EYS: variants seen among roughly 807,000 people sequenced by gnomAD.
The protein encoded by EYS is EGF-like photoreceptor maintenance factor, also known as protein eyes shut homolog.
EYS carries 250 observed loss-of-function variants against 282.1 expected under a neutral mutation model. The ratio of observed to expected loss-of-function variants is 0.89; its 90% confidence interval spans 0.80 to 0.98. EYS has a LOEUF of 0.98. Ranked by LOEUF, EYS falls within the 50% of genes least tolerant of loss-of-function variation. The pLI, the probability that EYS is intolerant of heterozygous loss-of-function variation, is 0.00. For synonymous variants in EYS, 1,355 were observed against 1,282.9 expected (o/e 1.06, Z -1.20); for missense variants, 4,016 against 3,709.0 (o/e 1.08, Z -2.15).
chr6:64,647,874 T>G (rs990619617), intron 22 of EYS, among the ~76,000 whole-genome samples: 36 of 152,172 alleles, frequency 2.4e-4, no homozygotes, highest in African/African-American at 8.7e-4. Context: ...TAAGGGTTTA[T>G]AGAATGCATG....
chr6:64,784,668 T>C (rs2149996140), intron 22 of EYS, among the ~76,000 whole-genome samples: 1 of 152,296 alleles, frequency 6.6e-6, no homozygotes, highest in South Asian at 2.1e-4. Context: ...CTGCTTGTTG[T>C]TGTTGTTGTT....
intron 11 of EYS, among the ~76,000 whole-genome samples, chr6:65,318,332 C>T (rs889099333): frequency 6.6e-6 from 1 of 151,630 alleles, no homozygotes; most frequent in African/African-American, 2.4e-5. Context: ...CAAGAGAGCT[C>T]AACGTGGAAA....
chr6:65,091,936 G>A (rs1340705861), intron 12 of EYS, among the ~76,000 whole-genome samples: 2 of 152,088 alleles, frequency 1.3e-5, no homozygotes, highest in Non-Finnish European at 2.9e-5. Flanking sequence ...GGTCCCTCGA[G>A]TGTTTTTCAG....
chr6:64,569,235 AAGAACC>A (rs771476925), intron 26 of EYS, among the ~76,000 whole-genome samples: 150 of 152,100 alleles, frequency 9.9e-4, no homozygotes, highest in Non-Finnish European at 1.6e-3. Context: ...AAAGGAAGCT[AAGAACC>A]TTGAAAAAAG....
chr6:64,880,807 C>G (rs538068047), intron 19 of EYS, among the ~76,000 whole-genome samples: 1 of 149,124 alleles, frequency 6.7e-6, no homozygotes, highest in Non-Finnish European at 1.5e-5. Context: ...TACACACATA[C>G]TTATGTATAA....
chr6:64,301,483 T>C (rs1041050337), intron 30 of EYS, among the ~76,000 whole-genome samples: 1 of 152,224 alleles, frequency 6.6e-6, no homozygotes, highest in Non-Finnish European at 1.5e-5. Flanking sequence ...CCCAGTACTA[T>C]GCTTTCTAGA....
At chr6:64,455,591 A>T (rs1021108349) in intron 26 of EYS, among the ~76,000 whole-genome samples, 3 of 151,596 alleles carry the variant, frequency 2.0e-5, no homozygotes, top group African/African-American at 7.3e-5. Flanking sequence ...GTCCTAATGC[A>T]CTCCCTCCCC....
intron 13 of EYS, among the ~76,000 whole-genome samples, chr6:65,007,579 T>G (rs1771721030): frequency 6.6e-6 from 1 of 152,122 alleles, no homozygotes; most frequent in African/African-American, 2.4e-5. Context: ...GTAAAAAGTG[T>G]GATTTATGCC....
chr6:65,032,037 A>G (rs1044985531), intron 13 of EYS, among the ~76,000 whole-genome samples: 1 of 152,146 alleles, frequency 6.6e-6, no homozygotes, highest in Non-Finnish European at 1.5e-5. Flanking sequence ...CAAAAGGGAC[A>G]TAACCACTGA....
At chr6:64,459,948 A>G (rs1439988541) in intron 26 of EYS, among the ~76,000 whole-genome samples, 3 of 55,772 alleles carry the variant, frequency 5.4e-5, no homozygotes, top group Admixed American at 3.1e-4. Flanking sequence ...TAATATCCAG[A>G]AAAAAAAAAA....
chr6:64,478,041 T>C (rs776197420), intron 26 of EYS, among the ~76,000 whole-genome samples: 1 of 152,070 alleles, frequency 6.6e-6, no homozygotes, highest in Non-Finnish European at 1.5e-5. Context: ...CTTGCTGTTA[T>C]GTGCTTGTGT....
At chr6:65,625,300 A>T (rs1766654030) in intron 2 of EYS, among the ~76,000 whole-genome samples, 1 of 152,248 alleles carries the variant, frequency 6.6e-6, no homozygotes. Context: ...CTTGGAGCAG[A>T]GAAACTAGCT....
At chr6:65,625,983 T>C (rs1766675237) in intron 2 of EYS, among the ~76,000 whole-genome samples, 1 of 152,200 alleles carries the variant, frequency 6.6e-6, no homozygotes, top group African/African-American at 2.4e-5. Flanking sequence ...CTGAAATTAT[T>C]CCTTCCCTTC....
At position 65,220,101 on chromosome 6, in the gene EYS, C is replaced by A. The variant is rs577048945; in HGVS notation, c.2023+75762G>T. Among the ~76,000 whole-genome samples, 4 of 152,198 alleles carry A rather than the reference C, an allele frequency of 2.6e-5. No individual in the cohort carries two copies. In the South Asian group the frequency reaches 8.3e-4, roughly 32 times the overall value. ...TATAATCCTATAGCCTTGGGAAAACCTCTCTGCAAAACTATTTTTTTAAAC... is the reference window on the plus strand; with the variant it reads ...TATAATCCTATAGCCTTGGGAAAACATCTCTGCAAAACTATTTTTTTAAAC... On this transcript the variant is annotated intron_variant, in intron 12 of 42. Transcript: ENST00000503581.
intron 33 of EYS, among the ~76,000 whole-genome samples, chr6:64,036,046 C>G (rs79577284): frequency 0.014 from 2,190 of 152,280 alleles, 37 homozygotes; most frequent in African/African-American, 0.043. Flanking sequence ...TACACTTGTT[C>G]TTTCTGTAAT....
At chr6:65,211,580 A>G (rs1006972338) in intron 12 of EYS, among the ~76,000 whole-genome samples, 19 of 152,046 alleles carry the variant, frequency 1.2e-4, no homozygotes, top group South Asian at 8.3e-4. Flanking sequence ...CTGACTTTCT[A>G]ACTCTGATTT....
chr6:63,883,868 C>G (rs1011951217), intron 35 of EYS, among the ~76,000 whole-genome samples: 34 of 152,272 alleles, frequency 2.2e-4, no homozygotes, highest in African/African-American at 6.5e-4. Flanking sequence ...TCAGTTTCAG[C>G]CTCAATGTTA....
intron 13 of EYS, among the ~76,000 whole-genome samples, chr6:65,020,050 T>C (rs1772200390): frequency 6.6e-6 from 1 of 152,122 alleles, no homozygotes; most frequent in South Asian, 2.1e-4. Flanking sequence ...TCACAACACA[T>C]GGGGATTATG....
At chr6:64,529,749 A>G (rs2150530830) in intron 26 of EYS, among the ~76,000 whole-genome samples, 1 of 152,224 alleles carries the variant, frequency 6.6e-6, no homozygotes, top group South Asian at 2.1e-4. Flanking sequence ...GGAATACTAG[A>G]GCTCAGCTGT....
Sources: allele counts gnomAD v4.1 joint callset (sites outside exome capture counted in the v4.1 genomes callset), GRCh38; gene constraint gnomAD v4.1.1; transcripts MANE v1.5; gene names NCBI Gene and HGNC (gene_info 2026-07-23, HGNC 2026-07-21).